The following CACNB2 variants were observed in gnomAD, a reference collection of about 807,000 sequenced individuals.
CACNB2 encodes the protein calcium voltage-gated channel auxiliary subunit beta 2.
Under a neutral mutation model 73.3 loss-of-function variants are expected in CACNB2, and 42 were observed. The ratio of observed to expected loss-of-function variants is 0.57; its 90% confidence interval spans 0.45 to 0.74. CACNB2 has a LOEUF of 0.74. Among genes scored for constraint, CACNB2 ranks in the 30% least tolerant of loss-of-function variants. The pLI, the probability that CACNB2 is intolerant of heterozygous loss-of-function variation, is 0.00. For synonymous variants in CACNB2, 348 were observed against 310.3 expected (o/e 1.12, Z -1.28); for missense variants, 940 against 853.0 (o/e 1.10, Z -1.27).
At chr10:18,448,494 A>T (rs1160219499) in intron 3 of CACNB2, among the ~76,000 whole-genome samples, 1 of 151,232 alleles carries the variant, frequency 6.6e-6, no homozygotes, top group African/African-American at 2.4e-5. Context: ...AAAAAAAAAA[A>T]AAAAAAAGAA....
At chr10:18,535,235 C>CAAAT (rs1482793371) in intron 11 of CACNB2, among the ~76,000 whole-genome samples, 2 of 152,092 alleles carry the variant, frequency 1.3e-5, no homozygotes, top group African/African-American at 2.4e-5. Context: ...TTCCACATAA[C>CAAAT]AAATAGTCTT....
At chr10:18,367,415 G>T (rs576787788) in intron 2 of CACNB2, among the ~76,000 whole-genome samples, 47 of 152,210 alleles carry the variant, frequency 3.1e-4, no homozygotes, top group South Asian at 1.5e-3. Context: ...ACTATAGACA[G>T]TTTACATTCT....
chr10:18,534,856 A>G (rs2053411753), intron 11 of CACNB2, among the ~76,000 whole-genome samples: 1 of 152,256 alleles, frequency 6.6e-6, no homozygotes, highest in Admixed American at 6.5e-5. Flanking sequence ...ATCTCAAACA[A>G]CAACTGACAG....
intron 7 of CACNB2, among the ~76,000 whole-genome samples, chr10:18,518,055 G>GT (rs1366033041): frequency 6.6e-6 from 1 of 152,148 alleles, no homozygotes; most frequent in Non-Finnish European, 1.5e-5. Flanking sequence ...CTGTCAACTA[G>GT]TTTTTGTTCA....
intron 2 of CACNB2, among the ~76,000 whole-genome samples, chr10:18,345,599 TAAAAC>T (rs940466170): frequency 6.6e-6 from 1 of 152,176 alleles, no homozygotes; most frequent in African/African-American, 2.4e-5. Context: ...CTCCGCTCCC[TAAAAC>T]AAAACAAAAA....
intron 2 of CACNB2, among the ~76,000 whole-genome samples, chr10:18,162,798 A>C (rs1259287524): frequency 6.6e-6 from 1 of 152,194 alleles, no homozygotes; most frequent in Non-Finnish European, 1.5e-5. Context: ...GAGGTGCAAA[A>C]GAAAGCCCTG....
At chr10:18,296,120 T>C (rs1456385531) in intron 2 of CACNB2, among the ~76,000 whole-genome samples, 1 of 151,652 alleles carries the variant, frequency 6.6e-6, no homozygotes, top group Non-Finnish European at 1.5e-5. Flanking sequence ...TTGTTGCTTT[T>C]ACCTAATTTG....
In CACNB2 at chr10:18,238,956, GA is replaced by G. The variant is rs1226140425; in HGVS notation, c.213+87982del. Among the ~76,000 whole-genome samples, 18 of 152,246 alleles carry G rather than the reference GA, an allele frequency of 1.2e-4. No homozygotes were observed. In the East Asian group the frequency reaches 2.7e-3, roughly 23 times the overall value. ...GTCACGAATTTGCTTTTTAATTACAGAGGCGATGTGAACCCTGAAGGAGTGT... is the reference window on the plus strand; with the variant it reads ...GTCACGAATTTGCTTTTTAATTACAGGGCGATGTGAACCCTGAAGGAGTGT... On this transcript the variant is annotated intron_variant, in intron 2 of 13. Coordinates refer to ENST00000324631, the MANE Select transcript of CACNB2 (RefSeq NM_201596.3).
intron 2 of CACNB2, among the ~76,000 whole-genome samples, chr10:18,171,551 G>A (rs867263906): frequency 3.8e-4 from 21 of 55,772 alleles, no homozygotes; most frequent in African/African-American, 1.8e-3. Context: ...AAAAAAAAAG[G>A]CTATTTGTTC....
intron 3 of CACNB2, among the ~76,000 whole-genome samples, chr10:18,474,822 A>G (rs1353551920): frequency 6.6e-6 from 1 of 151,934 alleles, no homozygotes; most frequent in East Asian, 1.9e-4. Context: ...TGCTAATGCC[A>G]CGTCCTGCAA....
intron 3 of CACNB2, among the ~76,000 whole-genome samples, chr10:18,478,105 T>C (rs1172776481): frequency 1.3e-5 from 2 of 152,170 alleles, no homozygotes; most frequent in Admixed American, 6.5e-5. Flanking sequence ...CTAATTTTTA[T>C]ATTTTTAGTA....
intron 1 of CACNB2, among the ~76,000 whole-genome samples, chr10:18,148,686 T>G (rs1408419582): frequency 6.6e-6 from 1 of 152,124 alleles, no homozygotes; most frequent in East Asian, 1.9e-4. Context: ...AGATACTCTT[T>G]TCTGTTCATT....
At chr10:18,206,968 C>G (rs112254543) in intron 2 of CACNB2, among the ~76,000 whole-genome samples, 1 of 152,040 alleles carries the variant, frequency 6.6e-6, no homozygotes, top group East Asian at 1.9e-4. Context: ...GAGGGAGAGA[C>G]GACATTCACA....
intron 2 of CACNB2, among the ~76,000 whole-genome samples, chr10:18,236,306 C>T (rs139646783): frequency 4.1e-4 from 63 of 152,302 alleles, no homozygotes; most frequent in African/African-American, 1.3e-3. Context: ...GAGGCACGAT[C>T]GGCTGCTACA....
intron 2 of CACNB2, among the ~76,000 whole-genome samples, chr10:18,387,878 T>A (rs1195922488): frequency 1.3e-5 from 2 of 151,990 alleles, no homozygotes; most frequent in Non-Finnish European, 2.9e-5. Context: ...CACCTCAGCC[T>A]CCCAAGTAGC....
At chr10:18,180,836 C>A (rs2033835221) in intron 2 of CACNB2, among the ~76,000 whole-genome samples, 1 of 151,908 alleles carries the variant, frequency 6.6e-6, no homozygotes, top group Non-Finnish European at 1.5e-5. Context: ...CATGGTGGCA[C>A]ATGCCTGTAA....
At chr10:18,387,385 C>T (rs1449091195) in intron 2 of CACNB2, among the ~76,000 whole-genome samples, 1 of 152,184 alleles carries the variant, frequency 6.6e-6, no homozygotes, top group African/African-American at 2.4e-5. Context: ...GTGTCTCCCT[C>T]ACTCGACTGG....
chr10:18,520,384 A>T (rs2051739928), intron 9 of CACNB2, among the ~76,000 whole-genome samples: 1 of 152,142 alleles, frequency 6.6e-6, no homozygotes, highest in African/African-American at 2.4e-5. Context: ...TTCAGAATCG[A>T]AGCCCTTCTC....
At chr10:18,418,757 A>G (rs2045148995) in intron 3 of CACNB2, among the ~76,000 whole-genome samples, 1 of 152,198 alleles carries the variant, frequency 6.6e-6, no homozygotes, top group Non-Finnish European at 1.5e-5. Context: ...ACAGGGCATC[A>G]GGGCGTCAGT....
Sources: allele counts gnomAD v4.1 joint callset (sites outside exome capture counted in the v4.1 genomes callset), GRCh38; gene constraint gnomAD v4.1.1; transcripts MANE v1.5; gene names NCBI Gene and HGNC (gene_info 2026-07-23, HGNC 2026-07-21).